The following NQO1 variants were observed in gnomAD, a reference collection of about 807,000 sequenced individuals.
NQO1 encodes the protein NAD(P)H quinone dehydrogenase 1, also known as NAD(P)H dehydrogenase [quinone] 1.
Under a neutral mutation model 32.1 loss-of-function variants are expected in NQO1, and 30 were observed. The observed-to-expected ratio is 0.94, with a 90% CI of 0.70 to 1.27. The LOEUF (loss-of-function observed/expected upper bound fraction) is 1.27. Ranked by LOEUF, NQO1 falls within the 50% of genes most tolerant of loss-of-function variation. The probability of loss-of-function intolerance (pLI) is 0.00; values close to 1 mark genes in which losing one functional copy is unlikely to be tolerated. For missense variants in NQO1, 276 were observed against 331.3 expected, an observed-to-expected ratio of 0.83 and a Z score of 1.30; for synonymous variants, 109 against 119.7, an observed-to-expected ratio of 0.91 and a Z score of 0.59.
chr16:69,714,575 T>C (rs1340389138), intron 4 of NQO1, among the ~76,000 whole-genome samples: 1 of 151,872 alleles, frequency 6.6e-6, no homozygotes, highest in Non-Finnish European at 1.5e-5. Context: ...TAGGATCTAA[T>C]TGTGCTCAAA....
chr16:69,724,752 C>T (rs2038238861), intron 1 of NQO1, among the ~76,000 whole-genome samples: 1 of 152,136 alleles, frequency 6.6e-6, no homozygotes, highest in Non-Finnish European at 1.5e-5. Context: ...CAGTTTCATG[C>T]ATTCTCCTTC....
At position 69,726,495 on chromosome 16, in the gene NQO1, C is replaced by T. The variant is rs1597607403; in HGVS notation, c.-56G>A. On this transcript the variant is annotated 5_prime_UTR_variant, in exon 1 of 6. Coordinates refer to ENST00000320623, the MANE Select transcript of NQO1 (RefSeq NM_000903.3). Reference sequence around the variant, plus strand: ...CTGGGCTCGTGGTTGCCGGGGCGACCCTGGCCGGAACTAGGCTCTCGGTGA... The same window carrying T: ...CTGGGCTCGTGGTTGCCGGGGCGACTCTGGCCGGAACTAGGCTCTCGGTGA... 2 of 1,598,154 alleles carry T rather than the reference C, an allele frequency of 1.3e-6. No homozygotes were observed. The highest frequency in any genetic ancestry group is 4.5e-5 in the East Asian group (2 of 44,776).
In NQO1 at chr16:69,710,707, TGC is replaced by T; in HGVS notation, c.*267_*268del. ...AAAAAGAGGAATTAAATTGTGTAGA[TGC>T]CTTTAAAGAACATTTTTCTAGCATC... On this transcript the variant is annotated 3_prime_UTR_variant, in exon 6 of 6. Transcript: ENST00000320623. The T allele has an allele frequency of 2.1e-5, 9 of 436,274 alleles. No individual in the cohort carries two copies. The highest frequency in any genetic ancestry group is 9.2e-5 in the South Asian group (3 of 32,492). The allele number at this position is 436,274 out of a possible 1,614,324, so 27.0% of individuals were successfully genotyped here. A position where few individuals can be genotyped will look rare whatever the true frequency, so the allele number is the denominator to read the frequency against.
chr16:69,718,082 A>C (rs1340912779), intron 3 of NQO1, 41 bp downstream of exon 3: 2 of 1,611,542 alleles, frequency 1.2e-6, no homozygotes, highest in African/African-American at 2.7e-5. Flanking sequence ...GACAATAAGC[A>C]CGCAAATGTC....
intron 5 of NQO1, 42 bp from the exon 6 acceptor site, chr16:69,711,323 C>T: frequency 1.9e-6 from 3 of 1,545,446 alleles, no homozygotes; most frequent in Non-Finnish European, 2.6e-6. Context: ...CAACCAATTC[C>T]ATGCAGTTGT....
At chr16:69,718,802 A>T (rs2038151271) in intron 1 of NQO1, among the ~76,000 whole-genome samples, 1 of 152,182 alleles carries the variant, frequency 6.6e-6, no homozygotes, top group Non-Finnish European at 1.5e-5. Flanking sequence ...TGGGAGGCCA[A>T]GGTGGGCAGA....
intron 1 of NQO1, among the ~76,000 whole-genome samples, chr16:69,719,060 G>A (rs550340966): frequency 2.5e-4 from 38 of 151,344 alleles, no homozygotes; most frequent in Admixed American, 1.4e-3. Context: ...TGCTCTGCGT[G>A]ACCTGTCAGG....
rs2151742872 is a variant in NQO1, at chr16:69,713,109, G to A, written c.438C>T (p.Ser146=). The A allele has an allele frequency of 8.7e-6, 14 of 1,613,910 alleles. No homozygotes were observed. The highest frequency in any genetic ancestry group is 1.2e-5 in the Non-Finnish European group (14 of 1,179,792). ...TGGAGCCACTGCCACCAGTGGTGAT[G>A]GAAAGCACTGCCTTCTTACTCTGCA... ...GPFRSKKAVL[S]ITTGGSGSMY... The change falls in exon 5 of 6, where the codon TCC becomes TCT. Residue 146 remains serine (S), a synonymous_variant. Transcript: ENST00000320623.
In NQO1 at chr16:69,718,112, T is replaced by TC; in HGVS notation, c.303+10dup. ...AATGTCCCTGACACCCCTTCCGATG[T>TC]CCCCCCATACCTGGAATATCACAAG... On this transcript the variant is annotated intron_variant, in intron 3 of 5. Coordinates refer to ENST00000320623, the MANE Select transcript of NQO1 (RefSeq NM_000903.3). The TC allele has an allele frequency of 1.2e-6, 2 of 1,613,708 alleles. No individual in the cohort carries two copies. Among genetic ancestry groups the TC allele is most frequent in the Non-Finnish European group, 1.7e-6 (2 of 1,179,784 alleles).
intron 4 of NQO1, among the ~76,000 whole-genome samples, chr16:69,714,113 G>A (rs1193608761): frequency 1.3e-5 from 2 of 151,546 alleles, no homozygotes; most frequent in African/African-American, 4.9e-5. Flanking sequence ...TCCTGACCTT[G>A]TGATCCGCCT....
At chr16:69,714,869 A>C in intron 4 of NQO1, 95 bp downstream of exon 4, 5 of 815,444 alleles carry the variant, frequency 6.1e-6, no homozygotes, top group South Asian at 1.4e-5. Context: ...ACAAGAGGGA[A>C]GCTCCATCTC....
chr16:69,710,918 G>A lies in NQO1; in HGVS notation c.*58C>T, dbSNP rs2038029265. ...TTAAAAACTAAAGCAAGTCAGGGAA[G>A]CCTGGAAAGATACCCAGATTTGATA... On this transcript the variant is annotated 3_prime_UTR_variant, in exon 6 of 6. Transcript: ENST00000320623. The A allele has an allele frequency of 6.6e-7, 1 of 1,523,426 alleles. No individual in the cohort carries two copies. The highest frequency in any genetic ancestry group is 1.4e-5 in the African/African-American group (1 of 71,966). 94.4% of individuals were successfully genotyped at this position (1,523,426 alleles called of 1,614,324 possible). A position where few individuals can be genotyped will look rare whatever the true frequency, so the allele number is the denominator to read the frequency against.
chr16:69,720,746 GA>G (rs1370881158), intron 1 of NQO1, among the ~76,000 whole-genome samples: 2 of 152,198 alleles, frequency 1.3e-5, no homozygotes, highest in Non-Finnish European at 2.9e-5. Flanking sequence ...AAATGGCAAA[GA>G]GGTACAGGTA....
At chr16:69,722,404 C>T (rs571959654) in intron 1 of NQO1, among the ~76,000 whole-genome samples, 30 of 152,130 alleles carry the variant, frequency 2.0e-4, no homozygotes, top group Admixed American at 5.2e-4. Context: ...TCATGACCCA[C>T]CTGCCTTGGC....
At chr16:69,717,146 C>T (rs2038124690) in intron 3 of NQO1, among the ~76,000 whole-genome samples, 1 of 151,032 alleles carries the variant, frequency 6.6e-6, no homozygotes, top group African/African-American at 2.4e-5. Context: ...TCGTGGTTTC[C>T]AGGATCATAT....
intron 1 of NQO1, among the ~76,000 whole-genome samples, chr16:69,723,013 C>T (rs557780310): frequency 6.6e-6 from 1 of 152,190 alleles, no homozygotes; most frequent in Non-Finnish European, 1.5e-5. Flanking sequence ...CTGCAAGCTC[C>T]GCCTCCCAGG....
intron 5 of NQO1, 36 bp from the exon 6 acceptor site, chr16:69,711,317 C>A (rs2151742020): frequency 6.4e-7 from 1 of 1,555,014 alleles, no homozygotes; most frequent in Non-Finnish European, 8.8e-7. Context: ...GTAAGTCAAC[C>A]AATTCCATGC....
chr16:69,712,762 T>C (rs908571311), intron 5 of NQO1, among the ~76,000 whole-genome samples: 1 of 152,134 alleles, frequency 6.6e-6, no homozygotes, highest in African/African-American at 2.4e-5. Context: ...CACAGCACTT[T>C]GGGAGGCTGA....
chr16:69,724,653 A>G (rs1311311012), intron 1 of NQO1, among the ~76,000 whole-genome samples: 1 of 151,946 alleles, frequency 6.6e-6, no homozygotes, highest in Non-Finnish European at 1.5e-5. Context: ...GTGAGCCCTG[A>G]TCATGCCACT....
Sources: gnomAD v4.1 joint callset for allele counts (sites outside exome capture counted in the v4.1 genomes callset) on GRCh38, gnomAD v4.1.1 for gene constraint, MANE v1.5 for transcripts, NCBI Gene and HGNC (gene_info 2026-07-23, HGNC 2026-07-21) for gene names.